The following ANKRD7 variants were observed in gnomAD, a reference collection of about 807,000 sequenced individuals.
ANKRD7 encodes the protein ankyrin repeat domain-containing protein 7.
Under a neutral mutation model 30.8 loss-of-function variants are expected in ANKRD7, and 30 were observed. That is an observed-to-expected ratio of 0.97 (90% CI 0.73 to 1.32). The LOEUF is 1.32. Among genes scored for constraint, ANKRD7 ranks in the 40% most tolerant of loss-of-function variants. The pLI, the probability that ANKRD7 is intolerant of heterozygous loss-of-function variation, is 0.00. For synonymous variants in ANKRD7, 97 were observed against 106.6 expected (o/e 0.91, Z 0.55); for missense variants, 264 against 295.7 (o/e 0.89, Z 0.79).
At chr7:118,225,833 C>T (rs1274720601) in intron 1 of ANKRD7, among the ~76,000 whole-genome samples, 1 of 152,130 alleles carries the variant, frequency 6.6e-6, no homozygotes, top group East Asian at 1.9e-4. Context: ...TTCATTGCTA[C>T]CCATTACTTA....
In ANKRD7 at chr7:118,234,857, C is replaced by G; in HGVS notation, c.451C>G (p.Leu151Val). Residue 151 changes from leucine to valine, a missense_variant, in exon 3 of 7, where the codon CTT becomes GTT. Physicochemically the swap from Leu to Val is conservative, Grantham distance 32. Coordinates refer to ENST00000265224, the MANE Select transcript of ANKRD7 (RefSeq NM_019644.4). Reference protein sequence around the residue: ...VEKLLEYEADLEAKNKDGYTP... With the variant: ...VEKLLEYEADVEAKNKDGYTP... ...AAAACTGCTTGAATACGAAGCTGAT[C>G]TTGAAGCGAAAAATAAGGTAGTTTT... 6.3e-7 allele frequency: 1 copy of G among 1,596,048 alleles called. No individual in the cohort carries two copies. The highest frequency in any genetic ancestry group is 8.5e-7 in the Non-Finnish European group (1 of 1,175,264).
intron 5 of ANKRD7, among the ~76,000 whole-genome samples, chr7:118,238,851 G>A (rs1046221749): frequency 1.3e-5 from 2 of 152,088 alleles, no homozygotes; most frequent in African/African-American, 4.8e-5. Context: ...AGAGCTGTGG[G>A]CTGAATTTCC....
At chr7:118,231,918 T>C (rs1415804602) in intron 1 of ANKRD7, among the ~76,000 whole-genome samples, 1 of 152,090 alleles carries the variant, frequency 6.6e-6, no homozygotes, top group Admixed American at 6.6e-5. Context: ...TTAAGTACCA[T>C]GAGTTAAGAA....
chr7:118,233,304 C>G (rs900355255), intron 1 of ANKRD7, among the ~76,000 whole-genome samples: 2 of 151,896 alleles, frequency 1.3e-5, no homozygotes, highest in Non-Finnish European at 2.9e-5. Flanking sequence ...AGCTGACTGT[C>G]TTCTTCCTGA....
chr7:118,234,898 A>G (rs779900786), intron 3 of ANKRD7, 24 bp downstream of exon 3: 2 of 1,565,666 alleles, frequency 1.3e-6, no homozygotes, highest in South Asian at 2.4e-5. Context: ...AAAGAAAAAA[A>G]TCCTGTATTT....
chr7:118,242,196 A>C (rs2116035094), intron 6 of ANKRD7, among the ~76,000 whole-genome samples, 153 bp from the exon 7 acceptor site: 1 of 152,380 alleles, frequency 6.6e-6, no homozygotes, highest in East Asian at 1.9e-4. Context: ...CAAATTCAAA[A>C]GAGACTACTT....
At position 118,236,841 on chromosome 7, in the gene ANKRD7, T is replaced by C; in HGVS notation, c.627T>C (p.Leu209=). ...VSGEPPCLVK[L]LLQQGVELCY... is the part of the protein sequence containing the mutation. ...GTGAACCACCATGTTTAGTAAAGCT[T>C]CTTCTTCAGCAAGGTGTGGAATTAT... The change falls in exon 5 of 7, where the codon CTT becomes CTC. Residue 209 remains leucine (L), a synonymous_variant. Transcript: ENST00000265224. 6.2e-7 allele frequency: 1 copy of C among 1,614,052 alleles called. No homozygotes were observed.
chr7:118,224,710 T>G lies in ANKRD7; in HGVS notation c.-121T>G, dbSNP rs1409325658. 2.0e-6 allele frequency: 3 copies of G among 1,504,404 alleles called. No homozygotes were observed. The highest frequency in any genetic ancestry group is 2.7e-6 in the Non-Finnish European group (3 of 1,129,688). 93.2% of individuals were successfully genotyped at this position (1,504,404 alleles called of 1,614,324 possible). A position where few individuals can be genotyped will look rare whatever the true frequency, so the allele number is the denominator to read the frequency against. ...GGCTGCGCGAGGCCCTTCCAGCATT[T>G]CCACTTTCGTCAGGTACTGGAGAGG... On this transcript the variant is annotated 5_prime_UTR_variant, in exon 1 of 7. Coordinates refer to ENST00000265224, the MANE Select transcript of ANKRD7 (RefSeq NM_019644.4).
chr7:118,234,918 A>G (rs944182521), intron 3 of ANKRD7, 44 bp downstream of exon 3: 12 of 1,468,342 alleles, frequency 8.2e-6, no homozygotes, highest in Non-Finnish European at 1.0e-5. Flanking sequence ...TTAGAAAGCA[A>G]CTGAAGAGCA....
At chr7:118,232,224 G>A (rs1321351507) in intron 1 of ANKRD7, among the ~76,000 whole-genome samples, 1 of 151,768 alleles carries the variant, frequency 6.6e-6, no homozygotes, top group Non-Finnish European at 1.5e-5. Flanking sequence ...CCAATTGTGA[G>A]CTCTAAAATT....
intron 1 of ANKRD7, among the ~76,000 whole-genome samples, chr7:118,231,613 T>C (rs564186619): frequency 3.3e-5 from 5 of 152,234 alleles, no homozygotes; most frequent in Admixed American, 3.3e-4. Context: ...GCTACAGCTA[T>C]GCCCTGGCCC....
chr7:118,228,985 A>C (rs144284021), intron 1 of ANKRD7, among the ~76,000 whole-genome samples: 1 of 152,266 alleles, frequency 6.6e-6, no homozygotes, highest in Non-Finnish European at 1.5e-5. Context: ...CTAGGGGTAA[A>C]AGCCGGATCC....
At chr7:118,239,738 T>G in intron 5 of ANKRD7, 171 bp from the exon 6 acceptor site, 4 of 369,966 alleles carry the variant, frequency 1.1e-5, no homozygotes, top group East Asian at 3.8e-5. Context: ...TGGGAGTACA[T>G]GAAATAAAAG....
At chr7:118,235,351 G>T (rs189107693) in intron 3 of ANKRD7, among the ~76,000 whole-genome samples, 3 of 152,072 alleles carry the variant, frequency 2.0e-5, no homozygotes, top group Non-Finnish European at 4.4e-5. Context: ...GGTGGCTCAC[G>T]CCTGTAATCC....
At chr7:118,240,574 A>G (rs537413159) in intron 6 of ANKRD7, among the ~76,000 whole-genome samples, 1 of 152,326 alleles carries the variant, frequency 6.6e-6, no homozygotes, top group South Asian at 2.1e-4. Flanking sequence ...CTGAAAATGT[A>G]AAGATGTAAT....
rs1205560316 is a variant in ANKRD7 at position 118,236,833 on chromosome 7, GT to G, written c.620del (p.Val207GlufsTer21). 1.2e-6 allele frequency: 2 copies of G among 1,613,966 alleles called. No homozygotes were observed. The highest frequency in any genetic ancestry group is 1.7e-6 in the Non-Finnish European group (2 of 1,179,906). On this transcript the variant is annotated frameshift_variant, in exon 5 of 7. Transcript: ENST00000265224. LOFTEE classifies it high-confidence loss of function. ...LAVSGEPPCL[V>X]KLLLQQGVEL... Reference sequence around the variant, plus strand: ...TGTCAGTGGTGAACCACCATGTTTAGTAAAGCTTCTTCTTCAGCAAGGTGTG... The same window carrying G: ...TGTCAGTGGTGAACCACCATGTTTAGAAAGCTTCTTCTTCAGCAAGGTGTG...
At position 118,236,030 on chromosome 7, in the gene ANKRD7, A is replaced by T. The variant is rs1809721510; in HGVS notation, c.469-11A>T. On this transcript the variant is annotated splice_polypyrimidine_tract_variant and intron_variant, in intron 3 of 6. Transcript: ENST00000265224. ...TACAATATTTTAATCATTTTTAAAT[A>T]TTTTTTTCAGGATGGGTATACTCCA... The T allele has an allele frequency of 1.1e-5, 16 of 1,406,358 alleles. No homozygotes were observed. Among genetic ancestry groups the T allele is most frequent in the African/African-American group, 2.9e-5 (2 of 69,322 alleles). 87.1% of individuals were successfully genotyped at this position (1,406,358 alleles called of 1,614,324 possible).
intron 5 of ANKRD7, among the ~76,000 whole-genome samples, chr7:118,237,726 CTT>C (rs1173515665): frequency 6.6e-6 from 1 of 151,782 alleles, no homozygotes; most frequent in Admixed American, 6.6e-5. Context: ...GATGTTTAGT[CTT>C]AATTTAACTT....
intron 1 of ANKRD7, among the ~76,000 whole-genome samples, chr7:118,225,952 C>T (rs539728592): frequency 1.6e-4 from 25 of 152,224 alleles, no homozygotes; most frequent in African/African-American, 5.5e-4. Context: ...ATGAATAAGC[C>T]GTACTATTCA....
Sources: gnomAD v4.1 joint callset for allele counts (sites outside exome capture counted in the v4.1 genomes callset) on GRCh38, gnomAD v4.1.1 for gene constraint, MANE v1.5 for transcripts, NCBI Gene and HGNC (gene_info 2026-07-23, HGNC 2026-07-21) for gene names.